The following APLF variants were observed in gnomAD, a reference collection of about 807,000 sequenced individuals.
The protein encoded by APLF is aprataxin and PNK-like factor.
APLF carries 61 observed loss-of-function variants against 55.6 expected under a neutral mutation model. The ratio of observed to expected loss-of-function variants is 1.10; its 90% CI spans 0.89 to 1.36. The LOEUF is 1.36. APLF is among the 40% of genes most tolerant of loss of function. The pLI is 0.00. For synonymous variants in APLF, 207 were observed against 214.8 expected (o/e 0.96, Z 0.32); for missense variants, 611 against 602.5 (o/e 1.01, Z -0.15).
chr2:68,530,994 A>G (rs1395772201), intron 6 of APLF, among the ~76,000 whole-genome samples: 3 of 152,198 alleles, frequency 2.0e-5, no homozygotes, highest in African/African-American at 4.8e-5. Flanking sequence ...CTCAGATTGC[A>G]TTTAACCACC....
At chr2:68,558,524 A>G (rs748933890) in intron 8 of APLF, among the ~76,000 whole-genome samples, 1 of 152,214 alleles carries the variant, frequency 6.6e-6, no homozygotes, top group Non-Finnish European at 1.5e-5. Flanking sequence ...TTTTGTTTTG[A>G]TAGGACAAAA....
At chr2:68,532,241 G>A (rs1180608963) in intron 6 of APLF, among the ~76,000 whole-genome samples, 5 of 152,184 alleles carry the variant, frequency 3.3e-5, no homozygotes, top group Non-Finnish European at 7.3e-5. Context: ...ATGGCAGGAG[G>A]TTGCCAGCTA....
intron 3 of APLF, among the ~76,000 whole-genome samples, chr2:68,512,380 A>G (rs1221588948): frequency 2.0e-5 from 3 of 151,800 alleles, no homozygotes; most frequent in Non-Finnish European, 4.4e-5. Context: ...TCAGTAGTTC[A>G]TTCCTTGTTA....
At position 68,569,192 on chromosome 2, in the gene APLF, A is replaced by T. The variant is rs150863099; in HGVS notation, c.1333+1805A>T. Among the ~76,000 whole-genome samples the T allele has an allele frequency of 1.3e-4, 20 of 152,222 alleles. No homozygotes were observed. The East Asian group carries it at 3.9e-3, about 29-fold the overall frequency. ...TCCATGTGAGCAAAGCTACAGAGAG[A>T]TGAGAGCCGGCTCGTAATTGTGGTT... On this transcript the variant is annotated intron_variant, in intron 9 of 9. Transcript: ENST00000303795.
chr2:68,494,366 G>T (rs1322656248), intron 2 of APLF, among the ~76,000 whole-genome samples: 2 of 151,482 alleles, frequency 1.3e-5, no homozygotes, highest in Non-Finnish European at 2.9e-5. Flanking sequence ...GCCATCATCT[G>T]CTAGGTTTTT....
At chr2:68,512,957 C>T (rs1669437236) in intron 3 of APLF, 123 bp from the exon 4 acceptor site, 3 of 744,974 alleles carry the variant, frequency 4.0e-6, no homozygotes, top group South Asian at 4.0e-5. Context: ...TTCTAGTATA[C>T]TATAATCTGC....
intron 8 of APLF, among the ~76,000 whole-genome samples, chr2:68,566,356 A>G (rs938223872): frequency 4.6e-5 from 7 of 152,046 alleles, no homozygotes; most frequent in Non-Finnish European, 7.4e-5. Context: ...CAGTGAAGAA[A>G]GTGCTTCTTT....
At chr2:68,561,199 A>G (rs1453029365) in intron 8 of APLF, among the ~76,000 whole-genome samples, 1 of 152,104 alleles carries the variant, frequency 6.6e-6, no homozygotes, top group Non-Finnish European at 1.5e-5. Flanking sequence ...TAGCATGCAG[A>G]TTTTTATACA....
At chr2:68,562,150 G>A (rs12713647) in intron 8 of APLF, among the ~76,000 whole-genome samples, 16,172 of 151,966 alleles carry the variant, frequency 0.11, 1,108 homozygotes, top group African/African-American at 0.19. Context: ...CAGAAAGGCA[G>A]TTACCACATG....
At chr2:68,532,530 C>T (rs1670287867) in intron 6 of APLF, among the ~76,000 whole-genome samples, 1 of 152,142 alleles carries the variant, frequency 6.6e-6, no homozygotes, top group Admixed American at 6.5e-5. Context: ...CCCAAGGTCA[C>T]ATTGTTAGGA....
chr2:68,487,212 T>C (rs78035118), intron 1 of APLF, among the ~76,000 whole-genome samples: 3,879 of 152,302 alleles, frequency 0.025, 67 homozygotes, highest in South Asian at 0.043. Context: ...TCTGAATGTC[T>C]ATTTGGTTAT....
At position 68,529,248 on chromosome 2, in the gene APLF, C is replaced by T. The variant is rs1432600408; in HGVS notation, c.804+3006C>T. 25 of 1,274,564 alleles carry T rather than the reference C, an allele frequency of 2.0e-5. No individual in the cohort carries two copies. The highest frequency in any genetic ancestry group is 3.3e-5 in the South Asian group (2 of 61,466). The allele number at this position is 1,274,564 out of a possible 1,614,324, so 79.0% of individuals were successfully genotyped here. A position where few individuals can be genotyped will look rare whatever the true frequency, so the allele number is the denominator to read the frequency against. ...ATAAGACACAGCCTCATAAGGGTGC[C>T]GTCCCACCTGCCTGGAAAAGAAGGC... On this transcript the variant is annotated intron_variant, in intron 6 of 9. Transcript: ENST00000303795. This position sits in a 1 kb window ranked among gnomAD's most constrained non-coding sequence, Gnocchi z 4.4.
rs1156651521 is a variant in APLF at position 68,468,673 on chromosome 2, C to A, written c.96+846C>A. Among the ~76,000 whole-genome samples the A allele has an allele frequency of 2.6e-5, 4 of 152,178 alleles. 1 individual carries two copies. The highest frequency in any genetic ancestry group is 5.9e-5 in the Non-Finnish European group (4 of 68,036). The stretch of plus-strand genomic sequence containing the variant: ...AATTCTATAGATCTCTTAAGTACAT[C>A]TAGTTTTCTATTTTGTTCTTTAACA... On this transcript the variant is annotated intron_variant, in intron 1 of 9. Transcript: ENST00000303795.
At chr2:68,469,671 C>T (rs1436692156) in intron 1 of APLF, among the ~76,000 whole-genome samples, 2 of 152,188 alleles carry the variant, frequency 1.3e-5, no homozygotes, top group East Asian at 3.9e-4. Flanking sequence ...GACAGATGCA[C>T]TCGATTCTTC....
At chr2:68,547,413 A>T (rs1670737833) in intron 8 of APLF, among the ~76,000 whole-genome samples, 1 of 151,830 alleles carries the variant, frequency 6.6e-6, no homozygotes, top group Non-Finnish European at 1.5e-5. Context: ...AAGGATAAAA[A>T]TAGCCATGAC....
At chr2:68,484,860 A>G (rs1384330396) in intron 1 of APLF, among the ~76,000 whole-genome samples, 5 of 152,072 alleles carry the variant, frequency 3.3e-5, no homozygotes, top group Non-Finnish European at 5.9e-5. Context: ...AACAATTGTT[A>G]GAGGAATGTA....
chr2:68,557,765 A>G (rs1443044634), intron 8 of APLF, among the ~76,000 whole-genome samples: 2 of 152,084 alleles, frequency 1.3e-5, no homozygotes, highest in African/African-American at 4.8e-5. Context: ...CACAAAAATT[A>G]GTTGGTGTGG....
rs575726052 is a variant in APLF, at chr2:68,533,205, G to A, written c.805-4667G>A. Among the ~76,000 whole-genome samples the A allele has an allele frequency of 1.6e-3, 238 of 152,216 alleles. 1 individual carries two copies. Among genetic ancestry groups the A allele is most frequent in the Non-Finnish European group, 1.9e-3 (128 of 68,010 alleles). On this transcript the variant is annotated intron_variant, in intron 6 of 9. Transcript: ENST00000303795. ...AGTAAGGAGCCTCACACCAGATGCT[G>A]GTGCCTTGATCTTGGACTTCCCAGA...
At chr2:68,515,399 G>A (rs1669552076) in intron 5 of APLF, among the ~76,000 whole-genome samples, 1 of 151,672 alleles carries the variant, frequency 6.6e-6, no homozygotes, top group Non-Finnish European at 1.5e-5. Context: ...CTTTCCCTCA[G>A]TAGAATAATT....
Sources: gnomAD v4.1 joint callset for allele counts (sites outside exome capture counted in the v4.1 genomes callset) on GRCh38, gnomAD v4.1.1 for gene constraint, Gnocchi (gnomAD v3.1) non-coding constraint, MANE v1.5 for transcripts, NCBI Gene and HGNC (gene_info 2026-07-23, HGNC 2026-07-21) for gene names.